CEP135: variants seen among roughly 807,000 people sequenced by gnomAD.
The protein encoded by CEP135 is centrosomal protein of 135 kDa.
Under a neutral mutation model 157.3 loss-of-function variants are expected in CEP135, and 142 were observed. The observed-to-expected ratio is 0.90, with a 90% CI of 0.79 to 1.04. The LOEUF is 1.04. CEP135 is among the 50% of genes least tolerant of loss of function. The pLI is 0.00. For missense variants in CEP135, 1,317 were observed against 1,309.2 expected (o/e 1.01, Z -0.09); for synonymous variants, 396 against 439.8 (o/e 0.90, Z 1.25).
At chr4:55,954,416 A>G in intron 4 of CEP135, 33 bp downstream of exon 4, 1 of 1,551,878 alleles carries the variant, frequency 6.4e-7, no homozygotes, top group Non-Finnish European at 8.7e-7. Flanking sequence ...CAAATTATAC[A>G]CATTTAATCT....
chr4:56,001,310 C>CT (rs1261189181), intron 17 of CEP135, among the ~76,000 whole-genome samples: 1 of 152,102 alleles, frequency 6.6e-6, no homozygotes, highest in Non-Finnish European at 1.5e-5. Context: ...CTTTTAAAGT[C>CT]TTACACAGAC....
At chr4:55,970,977 A>C (rs2109666558) in intron 9 of CEP135, among the ~76,000 whole-genome samples, 1 of 152,278 alleles carries the variant, frequency 6.6e-6, no homozygotes, top group South Asian at 2.1e-4. Context: ...AAAAGCTTTA[A>C]ATTTTTTAAT....
chr4:56,018,759 CAA>C, intron 22 of CEP135, among the ~76,000 whole-genome samples: 1 of 141,706 alleles, frequency 7.1e-6, no homozygotes, highest in African/African-American at 2.6e-5. Context: ...GACCTTGTCT[CAA>C]AAAAAAAAAG....
chr4:55,974,707 T>C (rs756631104), intron 10 of CEP135, 39 bp from the exon 11 acceptor site: 2 of 1,449,642 alleles, frequency 1.4e-6, no homozygotes, highest in South Asian at 1.2e-5. Flanking sequence ...ACATTATGTA[T>C]ACAACATTAT....
chr4:56,009,303 C>G (rs62308617), intron 18 of CEP135, among the ~76,000 whole-genome samples: 58,034 of 151,880 alleles, frequency 0.38, 11,613 homozygotes, highest in African/African-American at 0.47. Flanking sequence ...CTGGACTACA[C>G]GTGCCCGCCA....
intron 5 of CEP135, among the ~76,000 whole-genome samples, chr4:55,958,974 A>T (rs1266230535): frequency 6.6e-6 from 1 of 152,160 alleles, no homozygotes; most frequent in East Asian, 1.9e-4. Flanking sequence ...GGTCCCAGGT[A>T]CTTGGGAGGC....
Position 55,971,418 on chromosome 4 carries a change from C to A in CEP135, c.1249+10C>A. ...AGTTTTGCAGTTACAGGTAAGATGTCAAATTTTGATAGCTAAAGAATGATT... is the reference window on the plus strand; with the variant it reads ...AGTTTTGCAGTTACAGGTAAGATGTAAAATTTTGATAGCTAAAGAATGATT... On this transcript the variant is annotated intron_variant, in intron 10 of 25. Transcript: ENST00000257287. 1.9e-6 allele frequency: 3 copies of A among 1,584,798 alleles called. No homozygotes were observed. Among genetic ancestry groups the A allele is most frequent in the South Asian group, 2.3e-5 (2 of 85,248 alleles).
chr4:55,990,720 C>T (rs1310443582), intron 14 of CEP135, among the ~76,000 whole-genome samples: 1 of 152,086 alleles, frequency 6.6e-6, no homozygotes. Context: ...CCAGGCTGGT[C>T]TCGAGCTCCT....
intron 19 of CEP135, among the ~76,000 whole-genome samples, chr4:56,010,175 A>ACCCCCCCCC (rs3036749): frequency 3.3e-5 from 4 of 122,886 alleles, no homozygotes; most frequent in African/African-American, 5.7e-5. Flanking sequence ...CATTGTGAAA[A>ACCCCCCCCC]CCCCCCCCCC....
At chr4:55,964,445 G>A (rs1333405619) in intron 7 of CEP135, 43 bp downstream of exon 7, 3 of 1,479,878 alleles carry the variant, frequency 2.0e-6, no homozygotes, top group Non-Finnish European at 2.8e-6. Flanking sequence ...ATATAATGGT[G>A]TTTATAATAA....
chr4:55,973,838 ACTG>A (rs1729105243), intron 10 of CEP135, among the ~76,000 whole-genome samples: 1 of 152,056 alleles, frequency 6.6e-6, no homozygotes, highest in Non-Finnish European at 1.5e-5. Context: ...CTTCAACAAA[ACTG>A]CTCTTGTTAA....
At chr4:55,975,842 C>T (rs764263286) in intron 11 of CEP135, among the ~76,000 whole-genome samples, 2 of 152,152 alleles carry the variant, frequency 1.3e-5, no homozygotes, top group Non-Finnish European at 2.9e-5. Flanking sequence ...TCCTGAAGAT[C>T]TTGTGTCCAT....
chr4:55,978,169 G>A (rs2109679922), intron 11 of CEP135, among the ~76,000 whole-genome samples: 1 of 152,178 alleles, frequency 6.6e-6, no homozygotes, highest in Non-Finnish European at 1.5e-5. Flanking sequence ...AAATGTTCAG[G>A]GAACTCATGT....
In CEP135 at chr4:55,980,286, A is replaced by T; in HGVS notation, c.1617A>T (p.Leu539Phe). The change falls in exon 12 of 26, where the codon TTA becomes TTT. Residue 539 changes from leucine to phenylalanine, a missense_variant. Leu to Phe is a conservative substitution (Grantham distance 22, BLOSUM62 0). Transcript: ENST00000257287. ...CAGAAAGAGATAAACTAAGTGTCTT[A>T]TATAATGAAGTAAGAAATGTATTAT... ...LTAERDKLSV[L>F]YNEAQEELSA... is the part of the protein sequence containing the mutation. 6.6e-7 allele frequency: 1 copy of T among 1,505,300 alleles called. No homozygotes were observed. Among genetic ancestry groups the T allele is most frequent in the Non-Finnish European group, 9.2e-7 (1 of 1,091,070 alleles). The allele number at this position is 1,505,300 out of a possible 1,614,324, so 93.2% of individuals were successfully genotyped here. A position where few individuals can be genotyped will look rare whatever the true frequency, so the allele number is the denominator to read the frequency against.
chr4:55,964,275 T>C lies in CEP135; in HGVS notation c.701T>C (p.Ile234Thr), dbSNP rs1339399684. The stretch of plus-strand genomic sequence containing the variant: ...ATGACAGCATGACTATATCTTCAGA[T>C]TGAGCTAAGAGAACGAGAGATAGAA... The part of the protein sequence containing the change: ...ESGVRDYSKQ[I>T]ELREREIERL... The change falls in exon 7 of 26, where the codon ATT (isoleucine) becomes ACT (threonine). Residue 234 changes from isoleucine (I) to threonine (T), a missense_variant and splice_region_variant. Transcript: ENST00000257287. 1.2e-6 allele frequency: 2 copies of C among 1,604,822 alleles called. No individual in the cohort carries two copies. Among genetic ancestry groups the C allele is most frequent in the East Asian group, 4.5e-5 (2 of 44,754 alleles).
At chr4:55,990,253 C>T (rs943044790) in intron 14 of CEP135, among the ~76,000 whole-genome samples, 3 of 152,046 alleles carry the variant, frequency 2.0e-5, no homozygotes, top group African/African-American at 7.2e-5. Context: ...CTAAAAACCT[C>T]GCTTCTAGAG....
chr4:55,964,478 T>C (rs1728783121), intron 7 of CEP135, 76 bp downstream of exon 7: 2 of 1,184,068 alleles, frequency 1.7e-6, no homozygotes, highest in Non-Finnish European at 2.3e-6. Context: ...TATAATGGTC[T>C]ATGGGTTTGT....
chr4:55,972,277 C>T (rs1307978599), intron 10 of CEP135, among the ~76,000 whole-genome samples: 5 of 152,142 alleles, frequency 3.3e-5, no homozygotes, highest in African/African-American at 9.7e-5. Flanking sequence ...TACATAAGGG[C>T]CCTGCTCTTG....
chr4:56,011,548 T>C (rs757851158), intron 20 of CEP135, 26 bp downstream of exon 20: 2 of 1,510,068 alleles, frequency 1.3e-6, no homozygotes, highest in South Asian at 2.4e-5. Flanking sequence ...TAGGTTGGAT[T>C]TAAGACTGAG....
Sources: gnomAD v4.1 joint callset for allele counts (sites outside exome capture counted in the v4.1 genomes callset) on GRCh38, gnomAD v4.1.1 for gene constraint, MANE v1.5 for transcripts, NCBI Gene and HGNC (gene_info 2026-07-23, HGNC 2026-07-21) for gene names.